Variants in CLASP1 observed in about 807,000 individuals in gnomAD.
CLASP1 encodes the protein CLIP-associating protein 1.
Under a neutral mutation model 192.3 loss-of-function variants are expected in CLASP1, and 38 were observed. That is an observed-to-expected ratio of 0.20 (90% CI 0.15 to 0.26). The LOEUF (loss-of-function observed/expected upper bound fraction) is 0.26. CLASP1 is among the 10% of genes least tolerant of loss of function. The pLI is 1.00. For missense variants in CLASP1, 1,433 were observed against 1,932.5 expected (o/e 0.74, Z 4.85); for synonymous variants, 691 against 712.8 (o/e 0.97, Z 0.49).
intron 2 of CLASP1, among the ~76,000 whole-genome samples, chr2:121,602,167 T>A (rs574927219): frequency 4.5e-5 from 6 of 133,570 alleles, no homozygotes; most frequent in African/African-American, 9.6e-5. Context: ...AGAGCAACAC[T>A]CCATCTCAAA....
intron 24 of CLASP1, among the ~76,000 whole-genome samples, chr2:121,409,866 C>T (rs530625075): frequency 5.9e-5 from 9 of 152,184 alleles, no homozygotes; most frequent in Non-Finnish European, 1.3e-4. Context: ...TTGAGGAATA[C>T]AGGTGGCCAG....
intron 1 of CLASP1, among the ~76,000 whole-genome samples, chr2:121,619,251 T>TA (rs751478326): frequency 3.2e-4 from 49 of 152,332 alleles, no homozygotes; most frequent in Non-Finnish European, 5.0e-4. Flanking sequence ...TTTCAGCTGA[T>TA]AAAATTACAG....
intron 37 of CLASP1, among the ~76,000 whole-genome samples, chr2:121,361,114 T>C (rs980099431): frequency 6.6e-6 from 1 of 152,200 alleles, no homozygotes; most frequent in Non-Finnish European, 1.5e-5. Context: ...CGGCTTGGCA[T>C]TTCATTTAAA....
intron 37 of CLASP1, among the ~76,000 whole-genome samples, chr2:121,353,789 C>A (rs1047926515): frequency 7.2e-6 from 1 of 138,318 alleles, no homozygotes; most frequent in Non-Finnish European, 1.5e-5. Context: ...TGTGCACATG[C>A]ACGCACACAC....
At chr2:121,479,029 CACCCCACACACACACA>C (rs2092342679) in intron 8 of CLASP1, among the ~76,000 whole-genome samples, 1 of 72,246 alleles carries the variant, frequency 1.4e-5, no homozygotes, top group Non-Finnish European at 2.7e-5. Flanking sequence ...CACACACACA[CACCCCACACACACACA>C]CACCCCCCCC....
intron 29 of CLASP1, 122 bp from the exon 31 acceptor site, chr2:121,397,405 C>T: frequency 3.8e-6 from 3 of 795,572 alleles, no homozygotes; most frequent in South Asian, 3.6e-5. Flanking sequence ...TCTCCTGTAT[C>T]GATAGTTTCC....
chr2:121,457,028 A>G (rs1441646923), intron 14 of CLASP1, among the ~76,000 whole-genome samples: 4 of 152,224 alleles, frequency 2.6e-5, no homozygotes, highest in Non-Finnish European at 5.9e-5. Flanking sequence ...ACACTCAAGA[A>G]TCACAGGTCT....
chr2:121,478,843 A>ACACCACCCACACAC (rs1559368126), intron 8 of CLASP1, among the ~76,000 whole-genome samples: 1 of 47,784 alleles, frequency 2.1e-5, no homozygotes, highest in Non-Finnish European at 3.7e-5. Context: ...CACACCACAC[A>ACACCACCCACACAC]CACACCACAC....
At chr2:121,371,226 T>C (rs1451001921) in intron 34 of CLASP1, among the ~76,000 whole-genome samples, 2 of 151,882 alleles carry the variant, frequency 1.3e-5, no homozygotes, top group East Asian at 3.9e-4. Flanking sequence ...TGTGTATATA[T>C]ACATATATAT....
chr2:121,425,677 T>A (rs1369813779), intron 21 of CLASP1, among the ~76,000 whole-genome samples: 1 of 152,166 alleles, frequency 6.6e-6, no homozygotes, highest in Non-Finnish European at 1.5e-5. Context: ...TTCTTAGCAT[T>A]AGCTACAGAA....
intron 2 of CLASP1, among the ~76,000 whole-genome samples, chr2:121,578,522 G>A (rs2060786145): frequency 6.7e-6 from 1 of 150,078 alleles, no homozygotes; most frequent in Non-Finnish European, 1.5e-5. Context: ...AAGGTCAGGA[G>A]ATCGAGACCA....
chr2:121,421,567 A>T (rs1347387101), intron 22 of CLASP1, among the ~76,000 whole-genome samples: 1 of 151,228 alleles, frequency 6.6e-6, no homozygotes, highest in African/African-American at 2.4e-5. Context: ...TTTTTGAGAC[A>T]GAGTCTTCTT....
At chr2:121,640,446 CTT>C (rs2071836094) in intron 1 of CLASP1, among the ~76,000 whole-genome samples, 1 of 151,996 alleles carries the variant, frequency 6.6e-6, no homozygotes, top group African/African-American at 2.4e-5. Flanking sequence ...GAAAAAAAAA[CTT>C]TATCAGGTCT....
rs966589874 is a variant in CLASP1, at chr2:121,530,900, T to C, written c.196-575A>G. The C allele has an allele frequency of 1.3e-5, 9 of 695,550 alleles. No individual in the cohort carries two copies. The highest frequency in any genetic ancestry group is 6.0e-5 in the Admixed American group (3 of 49,844). 43.1% of individuals were successfully genotyped at this position (695,550 alleles called of 1,614,324 possible). On this transcript the variant is annotated intron_variant, in intron 2 of 39. Coordinates refer to ENST00000263710, the Ensembl canonical transcript of CLASP1. ...ATTATAACCATCCTTTTCTTGGGGTTGCGCTACTGTCCAATGAGCGCATAG... is the reference window on the plus strand; with the variant it reads ...ATTATAACCATCCTTTTCTTGGGGTCGCGCTACTGTCCAATGAGCGCATAG...
At chr2:121,440,189 T>G (rs946892837) in intron 19 of CLASP1, among the ~76,000 whole-genome samples, 1 of 151,926 alleles carries the variant, frequency 6.6e-6, no homozygotes, top group African/African-American at 2.4e-5. Flanking sequence ...GTTTTGAACA[T>G]TTCCTTACTT....
chr2:121,373,563 C>G (rs1298547659), intron 34 of CLASP1, among the ~76,000 whole-genome samples: 3 of 152,148 alleles, frequency 2.0e-5, no homozygotes, highest in Non-Finnish European at 4.4e-5. Context: ...TTTGAAACTT[C>G]CTAGAGACTT....
intron 8 of CLASP1, among the ~76,000 whole-genome samples, chr2:121,496,667 A>T (rs1208098923): frequency 1.3e-5 from 2 of 152,158 alleles, no homozygotes; most frequent in Non-Finnish European, 2.9e-5. Flanking sequence ...ATGAGCAAAA[A>T]CAGGCACACA....
At chr2:121,512,617 C>T (rs1559481935) in intron 7 of CLASP1, among the ~76,000 whole-genome samples, 2 of 152,114 alleles carry the variant, frequency 1.3e-5, no homozygotes, top group South Asian at 2.1e-4. Flanking sequence ...ATTTTGGCCA[C>T]GAGAAGAGAA....
chr2:121,405,233 C>T (rs1326665807), intron 25 of CLASP1, among the ~76,000 whole-genome samples: 1 of 152,124 alleles, frequency 6.6e-6, no homozygotes, highest in African/African-American at 2.4e-5. Context: ...TGTTTGAACC[C>T]AGGAGGCAGA....
Sources: allele counts gnomAD v4.1 joint callset (sites outside exome capture counted in the v4.1 genomes callset), GRCh38; gene constraint gnomAD v4.1.1; transcripts MANE v1.5; gene names NCBI Gene and HGNC (gene_info 2026-07-23, HGNC 2026-07-21).